AOC3: variants seen among roughly 807,000 people sequenced by gnomAD.
AOC3 encodes the protein amine oxidase [copper-containing] 3.
A neutral mutation model predicts 55.4 loss-of-function variants in AOC3; 47 were observed. The observed-to-expected ratio is 0.85, with a 90% CI of 0.67 to 1.08. The LOEUF (loss-of-function observed/expected upper bound fraction) is 1.08, where lower values mean the gene tolerates loss of function less well. Among genes scored for constraint, AOC3 ranks in the 50% least tolerant of loss-of-function variants. AOC3 has a pLI of 0.00. For synonymous variants in AOC3, 386 were observed against 410.7 expected, an observed-to-expected ratio of 0.94 and a Z score of 0.73; for missense variants, 853 against 993.1, an observed-to-expected ratio of 0.86 and a Z score of 1.90.
chr17:42,857,705 G>C lies in AOC3; in HGVS notation c.*1155G>C, dbSNP rs1048045535. On this transcript the variant is annotated 3_prime_UTR_variant, in exon 4 of 4. Coordinates refer to ENST00000308423, the MANE Select transcript of AOC3 (RefSeq NM_003734.4). ...ATCACTGCTGTCCCTCCTGAGGTCTGGATTGGGGATGGGGACAAAGAAATA... is the reference window on the plus strand; with the variant it reads ...ATCACTGCTGTCCCTCCTGAGGTCTCGATTGGGGATGGGGACAAAGAAATA... The C allele has an allele frequency of 6.6e-6, 1 of 152,224 alleles. No individual in the cohort carries two copies. Among genetic ancestry groups the C allele is most frequent in the African/African-American group, 2.4e-5 (1 of 41,434 alleles). 9.4% of individuals were successfully genotyped at this position (152,224 alleles called of 1,614,324 possible). A position where few individuals can be genotyped will look rare whatever the true frequency, so the allele number is the denominator to read the frequency against.
intron 3 of AOC3, 116 bp downstream of exon 3, chr17:42,855,689 A>G (rs1475979686): frequency 4.3e-6 from 6 of 1,380,862 alleles, no homozygotes; most frequent in Admixed American, 2.0e-5. Context: ...GCACTTCAGT[A>G]TATCTGATCA....
chr17:42,853,848 G>C (rs780914531), intron 1 of AOC3, among the ~76,000 whole-genome samples: 1 of 152,154 alleles, frequency 6.6e-6, no homozygotes, highest in African/African-American at 2.4e-5. Context: ...TTTCCTTCAC[G>C]GTGCAGCTCC....
chr17:42,853,248 T>A, intron 1 of AOC3: 5 of 1,172,388 alleles, frequency 4.3e-6, no homozygotes, highest in Non-Finnish European at 5.3e-6. Flanking sequence ...CTTGTACTTA[T>A]ATGGGCTCTG....
Position 42,851,269 on chromosome 17 carries a change from C to T in AOC3, c.-75C>T. 6.7e-7 allele frequency: 1 copy of T among 1,491,750 alleles called. No homozygotes were observed. Among genetic ancestry groups the T allele is most frequent in the African/African-American group, 1.4e-5 (1 of 71,182 alleles). 92.4% of individuals were successfully genotyped at this position (1,491,750 alleles called of 1,614,324 possible). A position where few individuals can be genotyped will look rare whatever the true frequency, so the allele number is the denominator to read the frequency against. ...GCCCCCCACCCCGTCCAGGAGCCAA[C>T]AGAGCCCCCGTCTTGCTGGCGTGAG... is the stretch of plus-strand genomic sequence containing the variant. On this transcript the variant is annotated 5_prime_UTR_variant, in exon 1 of 4. Coordinates refer to ENST00000308423, the MANE Select transcript of AOC3 (RefSeq NM_003734.4).
chr17:42,851,678 A>T lies in AOC3; in HGVS notation c.335A>T (p.His112Leu). The T allele has an allele frequency of 6.2e-7, 1 of 1,612,824 alleles. No homozygotes were observed. Among genetic ancestry groups the T allele is most frequent in the Non-Finnish European group, 8.5e-7 (1 of 1,179,906 alleles). ...CCTCCCAAGGCTGCAGCCCTGGCTC[A>T]CTTGGACAGGGGGAGCCCCCCACCT... ...QLPPKAAALAHLDRGSPPPAR... is the reference protein window; with the variant it reads ...QLPPKAAALALLDRGSPPPAR... Residue 112 changes from histidine to leucine, a missense_variant, in exon 1 of 4, where the codon CAC (histidine) becomes CTC (leucine). Physicochemically the swap from His to Leu is moderately conservative, Grantham distance 99. Coordinates refer to ENST00000308423, the MANE Select transcript of AOC3 (RefSeq NM_003734.4).
rs1472906595 is a variant in AOC3 at position 42,852,585 on chromosome 17, C to G, written c.1242C>G (p.His414Gln). The G allele has an allele frequency of 4.3e-6, 7 of 1,614,230 alleles. No homozygotes were observed. Among genetic ancestry groups the G allele is most frequent in the Non-Finnish European group, 5.1e-6 (6 of 1,180,030 alleles). Reference sequence around the variant, plus strand: ...ACTTGGCCACCTACGTGGACTGGCACTTCCTTTTGGAGTCCCAGGCCCCCA... The same window carrying G: ...ACTTGGCCACCTACGTGGACTGGCAGTTCCTTTTGGAGTCCCAGGCCCCCA... ...CPYLATYVDW[H>Q]FLLESQAPKT... Residue 414 changes from histidine (H) to glutamine (Q), a missense_variant, in exon 1 of 4, where the codon CAC becomes CAG. Transcript: ENST00000308423.
rs2055701314 is a variant in AOC3 at position 42,853,278 on chromosome 17, G to A, written c.1600+335G>A. The stretch of plus-strand genomic sequence containing the variant: ...GCTCTGCTGCTGGGAGCAGCCTTCT[G>A]TTTGTCAGCTCAGTTCTGTGTCTGG... On this transcript the variant is annotated intron_variant, in intron 1 of 3. Transcript: ENST00000308423. 9 of 1,099,342 alleles carry A rather than the reference G, an allele frequency of 8.2e-6. No individual in the cohort carries two copies. The South Asian group carries it at 3.0e-4, about 37-fold the overall frequency. 68.1% of individuals were successfully genotyped at this position (1,099,342 alleles called of 1,614,324 possible).
chr17:42,856,161 A>G, intron 3 of AOC3, 114 bp from the exon 4 acceptor site: 1 of 1,349,402 alleles, frequency 7.4e-7, no homozygotes. Flanking sequence ...ACTCCTACCC[A>G]GCAGGAAAAA....
chr17:42,855,609 T>TTGCTTTC, intron 3 of AOC3, 36 bp downstream of exon 3: 2 of 1,613,708 alleles, frequency 1.2e-6, no homozygotes, highest in Non-Finnish European at 1.7e-6. Flanking sequence ...AGGATGAGCC[T>TTGCTTTC]TGCTTTCTCT....
rs1227034657 is a variant in AOC3, at chr17:42,851,987, C to G, written c.644C>G (p.Pro215Arg). The G allele has an allele frequency of 6.2e-7, 1 of 1,613,678 alleles. No homozygotes were observed. Among genetic ancestry groups the G allele is most frequent in the Admixed American group, 1.7e-5 (1 of 59,998 alleles). ...AACCTGGTGACAATGACCACGGCTC[C>G]CCGTGGTCTGCAATCAGGGGACCGG... ...GRNLVTMTTA[P>R]RGLQSGDRAT... The change falls in exon 1 of 4, where the codon CCC (proline) becomes CGC (arginine). Residue 215 changes from proline to arginine, a missense_variant. Pro to Arg is a moderately radical substitution (Grantham distance 103). Transcript: ENST00000308423.
Position 42,857,469 on chromosome 17 carries a change from G to A in AOC3, c.*919G>A, listed in dbSNP as rs1363448150. ...CTCTGTATTCTGCAACAGCCTGTTT[G>A]GGAGGCTGGAGTGGAAACAAAGGGT... On this transcript the variant is annotated 3_prime_UTR_variant, in exon 4 of 4. Coordinates refer to ENST00000308423, the MANE Select transcript of AOC3 (RefSeq NM_003734.4). The A allele has an allele frequency of 6.6e-6, 1 of 152,346 alleles. No individual in the cohort carries two copies. Among genetic ancestry groups the A allele is most frequent in the Admixed American group, 6.5e-5 (1 of 15,280 alleles). The allele number at this position is 152,346 out of a possible 1,614,324, so 9.4% of individuals were successfully genotyped here.
At position 42,855,484 on chromosome 17, in the gene AOC3, A is replaced by G; in HGVS notation, c.1927A>G (p.Ser643Gly). The G allele has an allele frequency of 6.2e-7, 1 of 1,612,048 alleles. No individual in the cohort carries two copies. Among genetic ancestry groups the G allele is most frequent in the Non-Finnish European group, 8.5e-7 (1 of 1,179,266 alleles). ...AVTQRKEEEP[S>G]SSSVFNQNDP... ...GACCCAGCGGAAGGAGGAGGAGCCC[A>G]GTAGCAGCAGCGTTTTCAATCAGAA... Residue 643 changes from serine to glycine, a missense_variant, in exon 3 of 4, where the codon AGT becomes GGT. Coordinates refer to ENST00000308423, the MANE Select transcript of AOC3 (RefSeq NM_003734.4).
Position 42,851,607 on chromosome 17 carries a change from G to C in AOC3, c.264G>C (p.Gln88His). 6.2e-7 allele frequency: 1 copy of C among 1,613,160 alleles called. No homozygotes were observed. Among genetic ancestry groups the C allele is most frequent in the African/African-American group, 1.3e-5 (1 of 75,036 alleles). ...GGCCAGGGCTGGTGGATGCAGCCCA[G>C]GCCCGGCCCTCGGACAACTGTGTCT... ...RLGPGLVDAAQARPSDNCVFS... is the reference protein window; with the variant it reads ...RLGPGLVDAAHARPSDNCVFS... Residue 88 changes from glutamine (Q) to histidine (H), a missense_variant, in exon 1 of 4, where the codon CAG (glutamine) becomes CAC (histidine). Coordinates refer to ENST00000308423, the MANE Select transcript of AOC3 (RefSeq NM_003734.4).
chr17:42,856,139 A>G, intron 3 of AOC3, 136 bp from the exon 4 acceptor site: 1 of 1,056,342 alleles, frequency 9.5e-7, no homozygotes, highest in Admixed American at 2.2e-5. Context: ...GAAATGGACT[A>G]CTTATGCTTT....
chr17:42,853,281 T>G (rs2055701332), intron 1 of AOC3: 1 of 1,095,084 alleles, frequency 9.1e-7, no homozygotes, highest in Non-Finnish European at 1.1e-6. Flanking sequence ...GCCTTCTGTT[T>G]GTCAGCTCAG....
Position 42,851,364 on chromosome 17 carries a change from C to G in AOC3, c.21C>G (p.Leu7=). 2 of 1,605,662 alleles carry G rather than the reference C, an allele frequency of 1.2e-6. No individual in the cohort carries two copies. Among genetic ancestry groups the G allele is most frequent in the Non-Finnish European group, 1.7e-6 (2 of 1,175,182 alleles). ...GGAAAATGAACCAGAAGACAATCCT[C>G]GTGCTCCTCATTCTGGCCGTCATCA... MNQKTI[L]VLLILAVITI... is the part of the protein sequence containing the mutation. The change falls in exon 1 of 4, where the codon CTC becomes CTG. Residue 7 remains leucine, a synonymous_variant. Transcript: ENST00000308423.
In AOC3 at chr17:42,855,495, C is replaced by A. The variant is rs112608517; in HGVS notation, c.1938C>A (p.Ser646Arg). Residue 646 changes from serine (S) to arginine (R), a missense_variant, in exon 3 of 4, where the codon AGC (serine) becomes AGA (arginine). Physicochemically the swap from Ser to Arg is moderately radical, Grantham distance 110. Coordinates refer to ENST00000308423, the MANE Select transcript of AOC3 (RefSeq NM_003734.4). The stretch of plus-strand genomic sequence containing the variant: ...AGGAGGAGGAGCCCAGTAGCAGCAG[C>A]GTTTTCAATCAGAATGACCCTTGGG... ...QRKEEEPSSS[S>R]VFNQNDPWAP... 9.9e-6 allele frequency: 16 copies of A among 1,612,910 alleles called. No homozygotes were observed. Among genetic ancestry groups the A allele is most frequent in the Middle Eastern group, 1.6e-4 (1 of 6,082 alleles).
rs778859448 is a variant in AOC3, at chr17:42,852,913, G to T, written c.1570G>T (p.Ala524Ser). ...HTLGTVHTHSAHFKVDLDVAG... is the reference protein window; with the variant it reads ...HTLGTVHTHSSHFKVDLDVAG... ...CCTGGGCACGGTCCACACCCACAGC[G>T]CCCACTTCAAGGTGGATCTGGATGT... Residue 524 changes from alanine to serine, a missense_variant, in exon 1 of 4, where the codon GCC becomes TCC. Coordinates refer to ENST00000308423, the MANE Select transcript of AOC3 (RefSeq NM_003734.4). The T allele has an allele frequency of 1.2e-6, 2 of 1,607,506 alleles. No individual in the cohort carries two copies. Among genetic ancestry groups the T allele is most frequent in the Non-Finnish European group, 1.7e-6 (2 of 1,174,520 alleles).
At position 42,855,505 on chromosome 17, in the gene AOC3, C is replaced by A; in HGVS notation, c.1948C>A (p.Gln650Lys). 1.2e-6 allele frequency: 2 copies of A among 1,613,732 alleles called. No individual in the cohort carries two copies. Among genetic ancestry groups the A allele is most frequent in the East Asian group, 2.2e-5 (1 of 44,866 alleles). Residue 650 changes from glutamine (Q) to lysine (K), a missense_variant, in exon 3 of 4, where the codon CAG becomes AAG. Transcript: ENST00000308423. The stretch of plus-strand genomic sequence containing the variant: ...GCCCAGTAGCAGCAGCGTTTTCAAT[C>A]AGAATGACCCTTGGGCCCCCACTGT... ...EEPSSSSVFN[Q>K]NDPWAPTVDF...
Sources: allele counts gnomAD v4.1 joint callset (sites outside exome capture counted in the v4.1 genomes callset), GRCh38; gene constraint gnomAD v4.1.1; transcripts MANE v1.5; gene names NCBI Gene and HGNC (gene_info 2026-07-23, HGNC 2026-07-21).